The following RBMS3 variants were observed in gnomAD, a reference collection of about 807,000 sequenced individuals.
The protein encoded by RBMS3 is RNA-binding motif, single-stranded-interacting protein 3.
Under a neutral mutation model 66.8 loss-of-function variants are expected in RBMS3, and 27 were observed. The observed-to-expected ratio is 0.40, with a 90% CI of 0.30 to 0.56. The LOEUF (loss-of-function observed/expected upper bound fraction) is 0.56. RBMS3 is among the 20% of genes least tolerant of loss of function. The pLI, the probability that RBMS3 is intolerant of heterozygous loss-of-function variation, is 0.40. For synonymous variants in RBMS3, 188 were observed against 183.0 expected, an observed-to-expected ratio of 1.03 and a Z score of -0.22; for missense variants, 513 against 549.5, an observed-to-expected ratio of 0.93 and a Z score of 0.66.
chr3:29,842,885 C>A (rs1483062646), intron 6 of RBMS3, among the ~76,000 whole-genome samples: 1 of 152,140 alleles, frequency 6.6e-6, no homozygotes, highest in African/African-American at 2.4e-5. Flanking sequence ...TATATGCTTG[C>A]CTAAAGCCTC....
intron 1 of RBMS3, among the ~76,000 whole-genome samples, chr3:29,366,843 C>CT (rs985370071): frequency 6.6e-6 from 1 of 152,082 alleles, no homozygotes; most frequent in Non-Finnish European, 1.5e-5. Context: ...TTTTTGATGA[C>CT]TTTTTTGCCA....
At chr3:29,637,921 C>T (rs1259092282) in intron 4 of RBMS3, among the ~76,000 whole-genome samples, 7 of 151,878 alleles carry the variant, frequency 4.6e-5, no homozygotes, top group Non-Finnish European at 2.9e-5. Flanking sequence ...AGTTAGATGC[C>T]ACCTTCTTTC....
intron 6 of RBMS3, among the ~76,000 whole-genome samples, chr3:29,853,074 C>T (rs763411500): frequency 6.6e-6 from 1 of 152,034 alleles, no homozygotes; most frequent in Admixed American, 6.5e-5. Context: ...AATCAAATAC[C>T]ACATGTTCTC....
chr3:29,379,879 A>C (rs181843272), intron 1 of RBMS3, among the ~76,000 whole-genome samples: 2 of 152,334 alleles, frequency 1.3e-5, no homozygotes, highest in East Asian at 3.9e-4. Context: ...AGAGCTCTAA[A>C]GGAAATAAGC....
intron 3 of RBMS3, among the ~76,000 whole-genome samples, chr3:29,502,013 C>T (rs1576029612): frequency 1.3e-5 from 2 of 152,058 alleles, no homozygotes; most frequent in African/African-American, 4.8e-5. Flanking sequence ...TTAGAACATT[C>T]CTGTAATTCA....
intron 1 of RBMS3, among the ~76,000 whole-genome samples, chr3:29,428,021 T>C (rs1217131515): frequency 6.6e-6 from 1 of 152,194 alleles, no homozygotes; most frequent in East Asian, 1.9e-4. Flanking sequence ...GACATCTTGG[T>C]TACAGATGGT....
intron 4 of RBMS3, among the ~76,000 whole-genome samples, chr3:29,734,356 A>T (rs2054282787): frequency 6.6e-6 from 1 of 152,088 alleles, no homozygotes; most frequent in Non-Finnish European, 1.5e-5. Flanking sequence ...ACTATAATTA[A>T]CAATAATTTA....
chr3:29,338,701 CCT>C (rs2036103440), intron 1 of RBMS3, among the ~76,000 whole-genome samples: 1 of 60,680 alleles, frequency 1.6e-5, no homozygotes. Context: ...CTCTCCTCCT[CCT>C]CTCCTCTCCT....
intron 10 of RBMS3, among the ~76,000 whole-genome samples, chr3:29,916,240 T>A (rs2060635384): frequency 6.6e-6 from 1 of 151,998 alleles, no homozygotes; most frequent in Non-Finnish European, 1.5e-5. Context: ...CTTTCTCTCT[T>A]TCCCCCTCTC....
chr3:29,336,507 C>A (rs532988995), intron 1 of RBMS3, among the ~76,000 whole-genome samples: 1 of 151,920 alleles, frequency 6.6e-6, no homozygotes, highest in South Asian at 2.1e-4. Flanking sequence ...GTGGCCTCAA[C>A]CCCAAAGATA....
chr3:29,471,967 C>CT (rs1174477228), intron 2 of RBMS3, among the ~76,000 whole-genome samples: 43 of 152,164 alleles, frequency 2.8e-4, no homozygotes, highest in Non-Finnish European at 6.3e-4. Flanking sequence ...TTTCATACTT[C>CT]TCCATGTCTA....
chr3:29,761,611 A>G (rs1019926838), intron 5 of RBMS3, among the ~76,000 whole-genome samples: 1 of 152,154 alleles, frequency 6.6e-6, no homozygotes, highest in Non-Finnish European at 1.5e-5. Flanking sequence ...TATAGCTGTA[A>G]TAAATATGTA....
chr3:29,941,802 CAG>C (rs1480662722), intron 11 of RBMS3, among the ~76,000 whole-genome samples: 3 of 151,630 alleles, frequency 2.0e-5, no homozygotes, highest in African/African-American at 7.3e-5. Flanking sequence ...ATGAAAGAAA[CAG>C]AAACAGTAAT....
chr3:29,850,004 G>T (rs757800415), intron 6 of RBMS3, among the ~76,000 whole-genome samples: 23 of 152,076 alleles, frequency 1.5e-4, no homozygotes, highest in Non-Finnish European at 2.6e-4. Flanking sequence ...TTGCACTTCT[G>T]GTAAAGATAC....
chr3:29,726,350 T>G (rs1009623997), intron 4 of RBMS3, among the ~76,000 whole-genome samples: 3 of 152,166 alleles, frequency 2.0e-5, no homozygotes, highest in African/African-American at 7.2e-5. Flanking sequence ...TATTGGAAGT[T>G]CTGGCCAGGG....
intron 3 of RBMS3, among the ~76,000 whole-genome samples, chr3:29,570,408 G>A (rs1475569270): frequency 6.6e-6 from 1 of 151,876 alleles, no homozygotes; most frequent in Non-Finnish European, 1.5e-5. Flanking sequence ...TCAAATACTA[G>A]ATATTATTTA....
chr3:30,003,575 T>C (rs1001561922), intron 14 of RBMS3, among the ~76,000 whole-genome samples: 2 of 151,976 alleles, frequency 1.3e-5, no homozygotes, highest in African/African-American at 4.8e-5. Context: ...TATAGTAGTT[T>C]TGAAGGAACA....
At chr3:29,356,572 A>G (rs1196954705) in intron 1 of RBMS3, among the ~76,000 whole-genome samples, 1 of 152,172 alleles carries the variant, frequency 6.6e-6, no homozygotes, top group Non-Finnish European at 1.5e-5. Context: ...TATCCTAAAC[A>G]TTCTTGCCAA....
intron 1 of RBMS3, among the ~76,000 whole-genome samples, chr3:29,369,538 A>G (rs1424206249): frequency 6.7e-6 from 1 of 148,164 alleles, no homozygotes; most frequent in Admixed American, 6.7e-5. Flanking sequence ...ACACACTTTG[A>G]GTGAGGGTGA....
Sources: gnomAD v4.1 joint callset for allele counts (sites outside exome capture counted in the v4.1 genomes callset) on GRCh38, gnomAD v4.1.1 for gene constraint, MANE v1.5 for transcripts, NCBI Gene and HGNC (gene_info 2026-07-23, HGNC 2026-07-21) for gene names.